Variants in DPYD observed in about 807,000 individuals in gnomAD.
The protein encoded by DPYD is dihydropyrimidine dehydrogenase, also known as dihydropyrimidine dehydrogenase [NADP(+)].
A neutral mutation model predicts 116.2 loss-of-function variants in DPYD; 109 were observed. The ratio of observed to expected loss-of-function variants is 0.94; its 90% CI spans 0.80 to 1.10. DPYD has a LOEUF of 1.10. Among genes scored for constraint, DPYD ranks in the 50% least tolerant of loss-of-function variants. DPYD has a pLI of 0.00. For synonymous variants in DPYD, 440 were observed against 432.0 expected, an observed-to-expected ratio of 1.02 and a Z score of -0.23; for missense variants, 1,302 against 1,254.5, an observed-to-expected ratio of 1.04 and a Z score of -0.57.
At chr1:97,869,813 G>C (rs1016150236) in intron 2 of DPYD, among the ~76,000 whole-genome samples, 4 of 151,662 alleles carry the variant, frequency 2.6e-5, no homozygotes, top group African/African-American at 9.7e-5. Flanking sequence ...TATTAAAATG[G>C]TATGTAAGCC....
intron 3 of DPYD, among the ~76,000 whole-genome samples, chr1:97,809,511 G>A (rs973655359): frequency 6.6e-6 from 1 of 152,142 alleles, no homozygotes; most frequent in Non-Finnish European, 1.5e-5. Flanking sequence ...ATTTTTAAAG[G>A]AGAGTCAACA....
chr1:97,104,317 TTAAAG>T (rs146588585), intron 20 of DPYD, among the ~76,000 whole-genome samples: 1,580 of 152,188 alleles, frequency 0.01, 22 homozygotes, highest in African/African-American at 0.036. Flanking sequence ...CAGAAACAAA[TTAAAG>T]TATATAAATA....
chr1:97,264,365 T>C (rs987939011), intron 18 of DPYD, among the ~76,000 whole-genome samples: 9 of 151,826 alleles, frequency 5.9e-5, no homozygotes, highest in African/African-American at 2.2e-4. Context: ...TTCTAATTTT[T>C]AGTAGAGATG....
intron 18 of DPYD, among the ~76,000 whole-genome samples, chr1:97,254,188 C>A (rs190564298): frequency 3.9e-5 from 6 of 152,142 alleles, no homozygotes; most frequent in East Asian, 1.9e-4. Context: ...AAACTAGGGC[C>A]GTTTTTCACA....
intron 16 of DPYD, among the ~76,000 whole-genome samples, chr1:97,357,961 G>A (rs1445665779): frequency 6.6e-6 from 1 of 152,152 alleles, no homozygotes; most frequent in Non-Finnish European, 1.5e-5. Context: ...TGGACAGTGG[G>A]TGCAGCCCAC....
chr1:97,199,918 A>G (rs996286266), intron 19 of DPYD, among the ~76,000 whole-genome samples: 2 of 152,246 alleles, frequency 1.3e-5, no homozygotes, highest in African/African-American at 2.4e-5. Flanking sequence ...TGCCTGGCAG[A>G]GGCCAAAATG....
chr1:97,778,886 C>T (rs866259641), intron 3 of DPYD, among the ~76,000 whole-genome samples: 1 of 152,056 alleles, frequency 6.6e-6, no homozygotes, highest in Non-Finnish European at 1.5e-5. Flanking sequence ...GCTAAGGAAC[C>T]ACTTGGTTCA....
chr1:97,508,651 T>C (rs964616562), intron 13 of DPYD, among the ~76,000 whole-genome samples: 2 of 151,946 alleles, frequency 1.3e-5, no homozygotes, highest in African/African-American at 4.8e-5. Flanking sequence ...CAAACTGCCT[T>C]CATTTTAGAC....
intron 3 of DPYD, among the ~76,000 whole-genome samples, chr1:97,781,333 A>G (rs1666730656): frequency 6.6e-6 from 1 of 152,234 alleles, no homozygotes; most frequent in African/African-American, 2.4e-5. Context: ...AATTAGACAT[A>G]TGTAGTTATC....
chr1:97,327,229 T>C (rs1668755260), intron 16 of DPYD, among the ~76,000 whole-genome samples: 1 of 152,072 alleles, frequency 6.6e-6, no homozygotes, highest in South Asian at 2.1e-4. Context: ...AGCTTTCTTA[T>C]TTTCTTTCAA....
chr1:97,918,363 G>T (rs1362050835), intron 1 of DPYD, among the ~76,000 whole-genome samples: 15 of 152,044 alleles, frequency 9.9e-5, no homozygotes, highest in Admixed American at 9.8e-4. Context: ...GGTTTCAGAA[G>T]CCAGGCTCTG....
chr1:97,353,482 G>A (rs912070865), intron 16 of DPYD, among the ~76,000 whole-genome samples: 1 of 152,010 alleles, frequency 6.6e-6, no homozygotes, highest in South Asian at 2.1e-4. Flanking sequence ...ATAAACTTCT[G>A]TCCAGAGCAG....
intron 16 of DPYD, among the ~76,000 whole-genome samples, chr1:97,372,660 A>G (rs1671364751): frequency 6.6e-6 from 1 of 152,176 alleles, no homozygotes; most frequent in African/African-American, 2.4e-5. Flanking sequence ...ATAGCAATCT[A>G]TGTTCATTTA....
intron 19 of DPYD, among the ~76,000 whole-genome samples, chr1:97,198,050 G>A (rs554576677): frequency 1.3e-5 from 2 of 152,248 alleles, no homozygotes; most frequent in African/African-American, 4.8e-5. Context: ...TTGATAGTAG[G>A]AACTTTGCAC....
chr1:97,130,403 C>T (rs971205906), intron 20 of DPYD, among the ~76,000 whole-genome samples: 3 of 152,222 alleles, frequency 2.0e-5, no homozygotes, highest in South Asian at 2.1e-4. Context: ...CTCTTTACCT[C>T]TTCTATTGGT....
At position 97,306,260 on chromosome 1, in the gene DPYD, C is replaced by G. The variant is rs1667158354; in HGVS notation, c.2096G>C (p.Arg699Thr). 3 of 1,612,472 alleles carry G rather than the reference C, an allele frequency of 1.9e-6. No homozygotes were observed. Among genetic ancestry groups the G allele is most frequent in the African/African-American group, 1.3e-5 (1 of 74,916 alleles). The part of the protein sequence containing the change: ...ELVRNICRWV[R>T]QAVQIPFFAK... ...AAAAAAAGGAATCTGAACAGCTTGC[C>G]TAACCCAGCGGCAGATGTTCCGCAC... Residue 699 changes from arginine (R) to threonine (T), a missense_variant, in exon 17 of 23, where the codon AGG becomes ACG. Coordinates refer to ENST00000370192, the MANE Select transcript of DPYD (RefSeq NM_000110.4).
intron 14 of DPYD, among the ~76,000 whole-genome samples, chr1:97,444,007 G>A (rs1364960844): frequency 6.6e-6 from 1 of 152,094 alleles, no homozygotes; most frequent in African/African-American, 2.4e-5. Flanking sequence ...TTCAGATGAG[G>A]CCAGGTAACA....
chr1:97,819,824 C>T (rs1668825217), intron 3 of DPYD, among the ~76,000 whole-genome samples: 1 of 152,074 alleles, frequency 6.6e-6, no homozygotes, highest in Non-Finnish European at 1.5e-5. Context: ...GAAGTCCAAA[C>T]TCCAAATGCT....
intron 14 of DPYD, among the ~76,000 whole-genome samples, chr1:97,449,204 T>C (rs1310050375): frequency 1.3e-5 from 2 of 152,180 alleles, no homozygotes; most frequent in African/African-American, 2.4e-5. Context: ...GTCTTTTGTC[T>C]TTGAAAGACA....
Sources: allele counts gnomAD v4.1 joint callset (sites outside exome capture counted in the v4.1 genomes callset), GRCh38; gene constraint gnomAD v4.1.1; transcripts MANE v1.5; gene names NCBI Gene and HGNC (gene_info 2026-07-23, HGNC 2026-07-21).